Variants in ALG14 observed in about 807,000 individuals in gnomAD.
ALG14 encodes the protein UDP-N-acetylglucosamine transferase subunit ALG14.
A neutral mutation model predicts 22.8 loss-of-function variants in ALG14; 17 were observed. The observed-to-expected ratio is 0.75, with a 90% confidence interval of 0.51 to 1.12. The LOEUF (loss-of-function observed/expected upper bound fraction) is 1.12, where lower values mean the gene tolerates loss of function less well. Among genes scored for constraint, ALG14 ranks in the 50% most tolerant of loss-of-function variants. ALG14 has a pLI of 0.00. For synonymous variants in ALG14, 89 were observed against 103.7 expected (o/e 0.86, Z 0.86); for missense variants, 288 against 271.8 (o/e 1.06, Z -0.42).
intron 2 of ALG14, chr1:95,062,220 G>A (rs1675187607): frequency 6.6e-6 from 1 of 152,086 alleles, no homozygotes; most frequent in Non-Finnish European, 1.5e-5. Flanking sequence ...TTTCACTATT[G>A]GAATTCAACG....
intron 3 of ALG14, among the ~76,000 whole-genome samples, chr1:95,022,103 C>T (rs752981003): frequency 3.9e-5 from 6 of 152,114 alleles, no homozygotes; most frequent in Non-Finnish European, 5.9e-5. Context: ...GTAATGTTTG[C>T]CAAGTGGAAA....
intron 2 of ALG14, among the ~76,000 whole-genome samples, chr1:95,036,587 C>T (rs550996775): frequency 4.6e-5 from 7 of 151,962 alleles, no homozygotes; most frequent in East Asian, 3.9e-4. Context: ...CCACCATACC[C>T]GGCTAATTTT....
intron 3 of ALG14, among the ~76,000 whole-genome samples, chr1:94,999,492 C>A (rs895093253): frequency 6.6e-6 from 1 of 152,050 alleles, no homozygotes; most frequent in Middle Eastern, 3.2e-3. Context: ...AACACACCAA[C>A]TTACTCCTTT....
At chr1:95,011,782 C>T (rs904070074) in intron 3 of ALG14, among the ~76,000 whole-genome samples, 5 of 152,124 alleles carry the variant, frequency 3.3e-5, no homozygotes, top group Non-Finnish European at 7.4e-5. Context: ...CCTGCAGAGA[C>T]TTCCATATAG....
At chr1:95,041,875 A>C (rs1372639376) in intron 2 of ALG14, among the ~76,000 whole-genome samples, 1 of 152,188 alleles carries the variant, frequency 6.6e-6, no homozygotes, top group Non-Finnish European at 1.5e-5. Flanking sequence ...TTATATAAAC[A>C]GAAAATGCAA....
Position 94,983,250 on chromosome 1 carries a change from A to AAGG in ALG14, c.474_476dup (p.Leu159dup), listed in dbSNP as rs778723319. ...TCACTTTCTTTATTCCTAGTATCCCAAGGAGAAGGGCAGATACACAGATAG... is the reference window on the plus strand; with the variant it reads ...TCACTTTCTTTATTCCTAGTATCCCAAGGAGGAGAAGGGCAGATACACAGATAG... On this transcript the variant is annotated inframe_insertion, in exon 4 of 4. Coordinates refer to ENST00000370205, the MANE Select transcript of ALG14 (RefSeq NM_144988.4). The AAGG allele has an allele frequency of 1.7e-5, 28 of 1,614,182 alleles. No individual in the cohort carries two copies. Among genetic ancestry groups the AAGG allele is most frequent in the Non-Finnish European group, 2.3e-5 (27 of 1,180,018 alleles).
intron 1 of ALG14, among the ~76,000 whole-genome samples, chr1:95,070,010 G>A (rs1675508101): frequency 6.6e-6 from 1 of 152,066 alleles, no homozygotes; most frequent in Non-Finnish European, 1.5e-5. Context: ...GACCAGTCTG[G>A]CACACATAGC....
chr1:95,026,739 G>T (rs967239106), intron 3 of ALG14, among the ~76,000 whole-genome samples: 1 of 152,096 alleles, frequency 6.6e-6, no homozygotes, highest in African/African-American at 2.4e-5. Context: ...GACCAGCCTG[G>T]AAAACATGGT....
rs1425910942 is a variant in ALG14 at position 95,027,218 on chromosome 1, C to A, written c.331G>T (p.Val111Phe). 1 of 1,614,150 alleles carries A rather than the reference C, an allele frequency of 6.2e-7. No homozygotes were observed. The change falls in exon 3 of 4, where the codon GTT (valine) becomes TTT (phenylalanine). Residue 111 changes from valine to phenylalanine, a missense_variant. Physicochemically the swap from Val to Phe is conservative, Grantham distance 50 (BLOSUM62 -1). Transcript: ENST00000370205. The part of the protein sequence containing the change: ...YIHRIPRSRE[V>F]QQSWPSTVFT... ...ACGGTGGAGGGCCAGGACTGCTGAA[C>A]CTCCCGGCTTCTTGGAATTCGGTGA...
At chr1:95,039,607 T>C (rs959257418) in intron 2 of ALG14, among the ~76,000 whole-genome samples, 1 of 152,090 alleles carries the variant, frequency 6.6e-6, no homozygotes, top group East Asian at 1.9e-4. Flanking sequence ...GAGCATAATT[T>C]TGAGTTGGTA....
intron 3 of ALG14, among the ~76,000 whole-genome samples, chr1:95,002,278 C>T (rs892183030): frequency 6.6e-6 from 1 of 151,820 alleles, no homozygotes; most frequent in Admixed American, 6.6e-5. Flanking sequence ...GGAGAAGTAG[C>T]GCAAGCGGCC....
At chr1:95,005,307 A>G (rs1673186515) in intron 3 of ALG14, among the ~76,000 whole-genome samples, 1 of 152,206 alleles carries the variant, frequency 6.6e-6, no homozygotes, top group Non-Finnish European at 1.5e-5. Flanking sequence ...GGAGCCTGGA[A>G]GCAGAGACAC....
At position 95,069,309 on chromosome 1, in the gene ALG14, A is replaced by T. The variant is rs952018012; in HGVS notation, c.136+3454T>A. Among the ~76,000 whole-genome samples, 16 of 152,324 alleles carry T rather than the reference A, an allele frequency of 1.1e-4. No homozygotes were observed. The South Asian group carries it at 2.3e-3, about 22-fold the overall frequency. On this transcript the variant is annotated intron_variant, in intron 1 of 3. Coordinates refer to ENST00000370205, the MANE Select transcript of ALG14 (RefSeq NM_144988.4). ...TGGGTACATAACAAGAGTCTGTCTT[A>T]AAAACAAAAACCAAAACAAAACTTC...
At chr1:95,015,519 G>C (rs561308873) in intron 3 of ALG14, among the ~76,000 whole-genome samples, 1 of 152,338 alleles carries the variant, frequency 6.6e-6, no homozygotes, top group East Asian at 1.9e-4. Flanking sequence ...AAAGGTGCAA[G>C]ACAAAAAGCC....
At chr1:95,033,420 T>C (rs9725514) in intron 2 of ALG14, among the ~76,000 whole-genome samples, 10,090 of 139,490 alleles carry the variant, frequency 0.072, 425 homozygotes, top group East Asian at 0.11. Flanking sequence ...TATATATATA[T>C]ACACACACAC....
chr1:95,039,209 T>G (rs1198528987), intron 2 of ALG14, among the ~76,000 whole-genome samples: 1 of 152,132 alleles, frequency 6.6e-6, no homozygotes, highest in Non-Finnish European at 1.5e-5. Flanking sequence ...GGAACTGTAT[T>G]TTGGTACGTA....
intron 3 of ALG14, among the ~76,000 whole-genome samples, chr1:95,007,125 T>C (rs1673240939): frequency 6.6e-6 from 1 of 152,222 alleles, no homozygotes; most frequent in Non-Finnish European, 1.5e-5. Context: ...ACTGCCAGTA[T>C]TGAAAAATTT....
At chr1:94,983,810 C>T (rs944375593) in intron 3 of ALG14, among the ~76,000 whole-genome samples, 26 of 151,142 alleles carry the variant, frequency 1.7e-4, no homozygotes, top group Admixed American at 4.6e-4. Context: ...GGCGTGATCT[C>T]GGCTCACTGC....
intron 3 of ALG14, among the ~76,000 whole-genome samples, chr1:94,991,682 C>T (rs1303214334): frequency 6.6e-6 from 1 of 152,160 alleles, no homozygotes; most frequent in African/African-American, 2.4e-5. Context: ...ACTTAGCCCA[C>T]ACTAAGTTTA....
Sources: allele counts gnomAD v4.1 joint callset (sites outside exome capture counted in the v4.1 genomes callset), GRCh38; gene constraint gnomAD v4.1.1; transcripts MANE v1.5; gene names NCBI Gene and HGNC (gene_info 2026-07-23, HGNC 2026-07-21).